The following LRRFIP1 variants were observed in gnomAD, a reference collection of about 807,000 sequenced individuals.
The protein encoded by LRRFIP1 is leucine-rich repeat flightless-interacting protein 1.
A neutral mutation model predicts 104.4 loss-of-function variants in LRRFIP1; 62 were observed. The observed-to-expected ratio is 0.59, with a 90% CI of 0.48 to 0.73. The LOEUF (loss-of-function observed/expected upper bound fraction) is 0.73, where lower values mean the gene tolerates loss of function less well. LRRFIP1 is among the 30% of genes least tolerant of loss of function. LRRFIP1 has a pLI of 0.00. For missense variants in LRRFIP1, 796 were observed against 824.5 expected, an observed-to-expected ratio of 0.97 and a Z score of 0.42; for synonymous variants, 300 against 299.0, an observed-to-expected ratio of 1.00 and a Z score of -0.03.
At chr2:237,729,708 T>C in intron 8 of LRRFIP1, 7 of 722,872 alleles carry the variant, frequency 9.7e-6, no homozygotes, top group Non-Finnish European at 1.2e-5. Flanking sequence ...GCCTTTTGAA[T>C]GGGATGGGGG....
intron 23 of LRRFIP1, among the ~76,000 whole-genome samples, chr2:237,778,458 C>T (rs990132032): frequency 6.6e-6 from 1 of 152,232 alleles, no homozygotes; most frequent in Non-Finnish European, 1.5e-5. Flanking sequence ...GCCTGACTCT[C>T]AGGCTCCATG....
At position 237,756,114 on chromosome 2, in the gene LRRFIP1, A is replaced by G. The variant is rs1559801885; in HGVS notation, c.1058A>G (p.His353Arg). The change falls in exon 16 of 24, where the codon CAC becomes CGC. Residue 353 changes from histidine (H) to arginine (R), a missense_variant. Physicochemically the swap from His to Arg is conservative, Grantham distance 29. Coordinates refer to ENST00000308482, the MANE Select transcript of LRRFIP1 (RefSeq NM_001137550.2). ...EKNKEFEREK[H>R]AHSILQFQFA... ...TTACAGGAATTTGAAAGGGAAAAAC[A>G]CGCCCACAGTATACTGCAATTTCAG... The G allele has an allele frequency of 1.2e-6, 2 of 1,613,752 alleles. No homozygotes were observed. Among genetic ancestry groups the G allele is most frequent in the South Asian group, 1.1e-5 (1 of 91,010 alleles).
At position 237,691,621 on chromosome 2, in the gene LRRFIP1, G is replaced by C. The variant is rs972865562; in HGVS notation, c.97-16923G>C. ...TAGGCTTCCGCGTCCAGGAAGCTCA[G>C]CGTGGCCTGAGGGTGATGGATGTGG... On this transcript the variant is annotated intron_variant, in intron 1 of 23. Transcript: ENST00000308482. The surrounding 1 kb of genome is among the most constrained non-coding windows in gnomAD (Gnocchi z 5.4). 6.6e-6 allele frequency among the ~76,000 whole-genome samples: 1 copy of C among 152,200 alleles called. No homozygotes were observed. Among genetic ancestry groups the C allele is most frequent in the African/African-American group, 2.4e-5 (1 of 41,454 alleles).
intron 1 of LRRFIP1, among the ~76,000 whole-genome samples, chr2:237,697,310 A>G (rs2093256350): frequency 6.6e-6 from 1 of 152,212 alleles, no homozygotes; most frequent in Non-Finnish European, 1.5e-5. Flanking sequence ...GGCATGAGCC[A>G]CCACACCCGG....
In LRRFIP1 at chr2:237,780,578, G is replaced by A. The variant is rs1035622556; in HGVS notation, c.*1046G>A. On this transcript the variant is annotated 3_prime_UTR_variant, in exon 24 of 24. Coordinates refer to ENST00000308482, the MANE Select transcript of LRRFIP1 (RefSeq NM_001137550.2). ...AGCTACCTGCTGATTTTTAGTGACT[G>A]TTCATATATGTTGTATTTCAAGTAT... Among the ~76,000 whole-genome samples, 1 of 152,196 alleles carries A rather than the reference G, an allele frequency of 6.6e-6. No homozygotes were observed. The highest frequency in any genetic ancestry group is 1.5e-5 in the Non-Finnish European group (1 of 68,046).
At chr2:237,629,371 G>A (rs557326213) in intron 1 of LRRFIP1, among the ~76,000 whole-genome samples, 18 of 152,162 alleles carry the variant, frequency 1.2e-4, no homozygotes, top group Admixed American at 5.9e-4. Flanking sequence ...CCAGTGAATC[G>A]CAAGCCTTGT....
chr2:237,765,278 A>AAC lies in LRRFIP1; in HGVS notation c.1460-4651_1460-4650dup, dbSNP rs374059561. 493 of 163,328 alleles carry AAC rather than the reference A, an allele frequency of 3.0e-3. 24 individuals carry two copies. The East Asian group carries it at 0.081, about 27-fold the overall frequency. The allele number at this position is 163,328 out of a possible 1,614,324, so 10.1% of individuals were successfully genotyped here. ...AACTCTGTCTAAAAAAAAAAAAAAA[A>AAC]ACACACACACACACAACACAATGTT... On this transcript the variant is annotated intron_variant, in intron 19 of 23. Transcript: ENST00000308482.
intron 11 of LRRFIP1, among the ~76,000 whole-genome samples, chr2:237,747,656 G>A (rs1212552744): frequency 6.6e-6 from 1 of 152,204 alleles, no homozygotes; most frequent in African/African-American, 2.4e-5. Context: ...ATGGTCTGCA[G>A]TTGCCGCGCA....
At chr2:237,740,136 T>C (rs2095370128) in intron 11 of LRRFIP1, among the ~76,000 whole-genome samples, 1 of 151,918 alleles carries the variant, frequency 6.6e-6, no homozygotes, top group South Asian at 2.1e-4. Context: ...CTGGGTGTGG[T>C]GGCTCACATC....
At chr2:237,668,657 T>A (rs1575315885) in intron 1 of LRRFIP1, among the ~76,000 whole-genome samples, 2 of 152,200 alleles carry the variant, frequency 1.3e-5, no homozygotes, top group South Asian at 2.1e-4. Flanking sequence ...CCTCCCTGAC[T>A]TCCTCGGCTG....
rs2061371069 is a variant in LRRFIP1 at position 237,779,583 on chromosome 2, T to C, written c.*51T>C. ...TTGGTGACTGGAGAGCATTGTTTCA[T>C]AGGCTTTTCTCTGTCCTATCTGGGA... is the stretch of plus-strand genomic sequence containing the variant. On this transcript the variant is annotated 3_prime_UTR_variant, in exon 24 of 24. Coordinates refer to ENST00000308482, the MANE Select transcript of LRRFIP1 (RefSeq NM_001137550.2). The C allele has an allele frequency of 1.4e-6, 2 of 1,476,308 alleles. No homozygotes were observed. The highest frequency in any genetic ancestry group is 1.9e-6 in the Non-Finnish European group (2 of 1,058,528). The allele number at this position is 1,476,308 out of a possible 1,614,324, so 91.5% of individuals were successfully genotyped here.
intron 1 of LRRFIP1, among the ~76,000 whole-genome samples, chr2:237,693,872 T>A (rs2092984570): frequency 6.6e-6 from 1 of 152,150 alleles, no homozygotes; most frequent in Non-Finnish European, 1.5e-5. Context: ...CTACAGGGTC[T>A]ATTACTTAAG....
chr2:237,670,041 T>C (rs1445801216), intron 1 of LRRFIP1, among the ~76,000 whole-genome samples: 3 of 152,250 alleles, frequency 2.0e-5, no homozygotes, highest in South Asian at 2.1e-4. Flanking sequence ...TTCTTGGGCA[T>C]TTGACAAATG....
intron 7 of LRRFIP1, among the ~76,000 whole-genome samples, chr2:237,727,586 G>A (rs1286921546): frequency 6.6e-6 from 1 of 152,206 alleles, no homozygotes; most frequent in African/African-American, 2.4e-5. Context: ...AAGCCCAAAT[G>A]TTCCACCCCG....
intron 23 of LRRFIP1, 50 bp downstream of exon 23, chr2:237,774,512 C>G: frequency 8.1e-7 from 1 of 1,228,334 alleles, no homozygotes. Flanking sequence ...CAGTATTTCT[C>G]TAGTGGGGAC....
rs376543289 is a variant in LRRFIP1, at chr2:237,730,248, G to C, written c.444+2313G>C. Among the ~76,000 whole-genome samples the C allele has an allele frequency of 3.9e-5, 6 of 152,352 alleles. No homozygotes were observed. The East Asian group carries it at 9.6e-4, about 24-fold the overall frequency. On this transcript the variant is annotated intron_variant, in intron 8 of 23. Coordinates refer to ENST00000308482, the MANE Select transcript of LRRFIP1 (RefSeq NM_001137550.2). ...GTGGTGGTTTCTTGGGCATGGACTA[G>C]ACTTGGAAGGAAAATCCAGAGTCTC...
chr2:237,673,801 G>A (rs753571657), intron 1 of LRRFIP1, among the ~76,000 whole-genome samples: 4 of 152,140 alleles, frequency 2.6e-5, no homozygotes, highest in Non-Finnish European at 5.9e-5. Context: ...GGCACGGAGT[G>A]GCATTAAGAG....
chr2:237,777,950 A>T (rs1239312551), intron 23 of LRRFIP1, among the ~76,000 whole-genome samples: 2 of 152,018 alleles, frequency 1.3e-5, no homozygotes, highest in African/African-American at 2.4e-5. Flanking sequence ...CATTTTTTTT[A>T]AAAAGTGTCT....
chr2:237,774,833 A>G (rs1559874666), intron 23 of LRRFIP1, among the ~76,000 whole-genome samples: 1 of 152,232 alleles, frequency 6.6e-6, no homozygotes, highest in Non-Finnish European at 1.5e-5. Flanking sequence ...TGCTGTGGCC[A>G]AGAGCTGGGT....
Sources: gnomAD v4.1 joint callset for allele counts (sites outside exome capture counted in the v4.1 genomes callset) on GRCh38, gnomAD v4.1.1 for gene constraint, Gnocchi (gnomAD v3.1) non-coding constraint, MANE v1.5 for transcripts, NCBI Gene and HGNC (gene_info 2026-07-23, HGNC 2026-07-21) for gene names.